RYR2: variants seen among roughly 807,000 people sequenced by gnomAD.
RYR2 encodes the protein cardiac muscle ryanodine receptor-calcium release channel.
RYR2 carries 227 observed loss-of-function variants against 601.1 expected under a neutral mutation model. That is an observed-to-expected ratio of 0.38 (90% CI 0.34 to 0.42). The LOEUF (loss-of-function observed/expected upper bound fraction) is 0.42, where lower values mean the gene tolerates loss of function less well. RYR2 is among the 10% of genes least tolerant of loss of function. The pLI is 1.00. For missense variants in RYR2, 4,646 were observed against 6,156.5 expected (o/e 0.75, Z 8.21); for synonymous variants, 2,223 against 2,175.1 (o/e 1.02, Z -0.61).
chr1:237,825,196 C>T (rs9428699), intron 101 of RYR2, among the ~76,000 whole-genome samples: 35,054 of 151,994 alleles, frequency 0.23, 4,475 homozygotes, highest in East Asian at 0.56. Flanking sequence ...AAAAAGAGCC[C>T]GCATAGCCCA....
intron 1 of RYR2, among the ~76,000 whole-genome samples, chr1:237,063,965 A>G (rs1663215831): frequency 6.6e-6 from 1 of 151,856 alleles, no homozygotes; most frequent in Admixed American, 6.6e-5. Context: ...TTTAAAGGTG[A>G]TATTTTCATT....
In RYR2 at chr1:237,610,888, T is replaced by C; in HGVS notation, c.4810T>C (p.Leu1604=). ...VLWSRMPNQF[L]KVDVSRISER... ...GTGGAGCAGAATGCCCAACCAGTTT[T>C]TGAAGGTAGATGTGTCTCGAATAAG... The change falls in exon 36 of 105, where the codon TTG becomes CTG. Residue 1604 remains leucine (L), a synonymous_variant. Transcript: ENST00000366574. The surrounding 1 kb of genome is among the most constrained non-coding windows in gnomAD (Gnocchi z 4.9). 1.2e-6 allele frequency: 2 copies of C among 1,613,556 alleles called. No homozygotes were observed. Among genetic ancestry groups the C allele is most frequent in the Non-Finnish European group, 1.7e-6 (2 of 1,179,740 alleles).
intron 71 of RYR2, 51 bp downstream of exon 71, chr1:237,711,888 T>C: frequency 1.2e-6 from 1 of 852,604 alleles, no homozygotes; most frequent in South Asian, 1.5e-5. Context: ...AATGTGACTT[T>C]CATGAATTGA....
At chr1:237,413,099 A>C (rs1345537146) in intron 10 of RYR2, among the ~76,000 whole-genome samples, 1 of 152,170 alleles carries the variant, frequency 6.6e-6, no homozygotes, top group Non-Finnish European at 1.5e-5. Context: ...GCCAATTTTC[A>C]GTCTGAAACA....
chr1:237,043,148 C>T (rs1660132677), intron 1 of RYR2, among the ~76,000 whole-genome samples: 1 of 152,328 alleles, frequency 6.6e-6, no homozygotes, highest in South Asian at 2.1e-4. Flanking sequence ...GGACGCTGCG[C>T]GGAGGTTTCC....
In RYR2 at chr1:237,788,022, G is replaced by C; in HGVS notation, c.13363G>C (p.Glu4455Gln). The C allele has an allele frequency of 6.2e-7, 1 of 1,604,538 alleles. No homozygotes were observed. The highest frequency in any genetic ancestry group is 8.5e-7 in the Non-Finnish European group (1 of 1,174,884). The stretch of plus-strand genomic sequence containing the variant: ...TGGAGAAAAAGAAGAGAAAGCCAAG[G>C]AAGACAAGGGCAAACAAAAGTTGAG... ...EDGEKEEKAK[E>Q]DKGKQKLRQL... Residue 4455 changes from glutamate (E) to glutamine (Q), a missense_variant, in exon 92 of 105, where the codon GAA becomes CAA. This residue lies in a region of RYR2 where 364 missense variants were observed against 442.9 expected (regional missense o/e 0.82). Transcript: ENST00000366574.
At chr1:237,574,902 G>A (rs1315118862) in intron 29 of RYR2, among the ~76,000 whole-genome samples, 2 of 152,146 alleles carry the variant, frequency 1.3e-5, no homozygotes, top group African/African-American at 2.4e-5. Context: ...TACCATGCTG[G>A]ACCTCTGACC....
At chr1:237,331,512 C>T (rs919061776) in intron 3 of RYR2, among the ~76,000 whole-genome samples, 66 of 150,750 alleles carry the variant, frequency 4.4e-4, no homozygotes, top group African/African-American at 1.6e-3. Flanking sequence ...TTTTTCTTTT[C>T]TTTTTTTTGA....
intron 80 of RYR2, among the ~76,000 whole-genome samples, chr1:237,749,550 C>T (rs1427349178): frequency 6.6e-6 from 1 of 152,014 alleles, no homozygotes; most frequent in African/African-American, 2.4e-5. Flanking sequence ...CACAGGAGAC[C>T]TGGATTATCA....
intron 51 of RYR2, among the ~76,000 whole-genome samples, chr1:237,652,023 G>A (rs899331887): frequency 1.3e-5 from 2 of 151,988 alleles, no homozygotes; most frequent in Non-Finnish European, 2.9e-5. Context: ...GTGACAGAGC[G>A]AGACTCCGTC....
At chr1:237,213,458 G>A (rs1682809300) in intron 1 of RYR2, among the ~76,000 whole-genome samples, 1 of 152,152 alleles carries the variant, frequency 6.6e-6, no homozygotes, top group African/African-American at 2.4e-5. Context: ...GATTACAGGT[G>A]TGAGCCATTG....
At chr1:237,196,986 T>C (rs1680644172) in intron 1 of RYR2, among the ~76,000 whole-genome samples, 1 of 152,146 alleles carries the variant, frequency 6.6e-6, no homozygotes, top group Admixed American at 6.5e-5. Flanking sequence ...TATGCATCTT[T>C]TGCTATTTAT....
chr1:237,086,100 T>G (rs973596422), intron 1 of RYR2, among the ~76,000 whole-genome samples: 2 of 152,240 alleles, frequency 1.3e-5, no homozygotes, highest in Non-Finnish European at 2.9e-5. Context: ...AATGCCTGCA[T>G]TAGTTTGCCT....
At chr1:237,127,663 T>C (rs1204516783) in intron 1 of RYR2, among the ~76,000 whole-genome samples, 2 of 141,662 alleles carry the variant, frequency 1.4e-5, no homozygotes, top group Non-Finnish European at 3.1e-5. Flanking sequence ...TCCTCACTTC[T>C]CAGACGGGGC....
At chr1:237,450,743 C>T (rs1332325861) in intron 14 of RYR2, among the ~76,000 whole-genome samples, 1 of 152,170 alleles carries the variant, frequency 6.6e-6, no homozygotes. Flanking sequence ...AAACCCATCA[C>T]AAATTTGCCA....
chr1:237,375,093 A>C (rs1396691610), intron 7 of RYR2, among the ~76,000 whole-genome samples: 1 of 152,152 alleles, frequency 6.6e-6, no homozygotes, highest in Non-Finnish European at 1.5e-5. Context: ...AATGTACACT[A>C]ATTAGTTTGT....
intron 17 of RYR2, among the ~76,000 whole-genome samples, chr1:237,479,210 C>G (rs943122009): frequency 6.6e-6 from 1 of 152,194 alleles, no homozygotes; most frequent in African/African-American, 2.4e-5. Context: ...AATACATCCA[C>G]TTTGAAATGC....
At chr1:237,594,121 T>C (rs1675540797) in intron 33 of RYR2, among the ~76,000 whole-genome samples, 1 of 152,230 alleles carries the variant, frequency 6.6e-6, no homozygotes. Flanking sequence ...ACTCGCTGTG[T>C]GGCTTTGGGT....
At chr1:237,661,265 A>G (rs1430602860) in intron 56 of RYR2, among the ~76,000 whole-genome samples, 1 of 152,072 alleles carries the variant, frequency 6.6e-6, no homozygotes, top group Non-Finnish European at 1.5e-5. Flanking sequence ...CAAACACCGC[A>G]TGTTCTCACT....
Sources: allele counts gnomAD v4.1 joint callset (sites outside exome capture counted in the v4.1 genomes callset), GRCh38; gene constraint gnomAD v4.1.1; regional missense constraint gnomAD v4.1.1; non-coding constraint Gnocchi (gnomAD v3.1); transcripts MANE v1.5; gene names NCBI Gene and HGNC (gene_info 2026-07-23, HGNC 2026-07-21).